Variants in TRRAP observed in about 807,000 individuals in gnomAD.
TRRAP encodes the protein transformation/transcription domain-associated protein.
TRRAP carries 41 observed loss-of-function variants against 438.8 expected under a neutral mutation model. The observed-to-expected ratio is 0.09, with a 90% CI of 0.07 to 0.12. The LOEUF is 0.12. Ranked by LOEUF, TRRAP falls within the 10% of genes least tolerant of loss-of-function variation. The pLI is 1.00. For synonymous variants in TRRAP, 1,994 were observed against 1,962.9 expected, an observed-to-expected ratio of 1.02 and a Z score of -0.42; for missense variants, 3,122 against 5,055.1, an observed-to-expected ratio of 0.62 and a Z score of 11.60.
chr7:98,881,850 T>G, intron 2 of TRRAP, 125 bp from the exon 3 acceptor site: 1 of 1,012,824 alleles, frequency 9.9e-7, no homozygotes, highest in East Asian at 2.6e-5. Context: ...TGCCTTCTAT[T>G]AGGCCATGAC....
intron 62 of TRRAP, among the ~76,000 whole-genome samples, chr7:98,988,029 T>C (rs539879270): frequency 5.9e-4 from 90 of 152,350 alleles, no homozygotes; most frequent in African/African-American, 2.1e-3. Context: ...ACCACCCTTA[T>C]TGCTGGGATA....
chr7:98,992,629 C>A (rs1354781941), intron 65 of TRRAP, among the ~76,000 whole-genome samples: 3 of 151,906 alleles, frequency 2.0e-5, no homozygotes, highest in Non-Finnish European at 4.4e-5. Flanking sequence ...GAAGAATCAG[C>A]ATTGAAGTCA....
chr7:98,990,402 C>A, intron 63 of TRRAP, 53 bp from the exon 64 acceptor site: 1 of 1,591,944 alleles, frequency 6.3e-7, no homozygotes, highest in East Asian at 2.3e-5. Flanking sequence ...AAGTCTCTTG[C>A]TTGAGGGCTT....
At chr7:98,959,520 A>G (rs945836100) in intron 45 of TRRAP, 30 bp downstream of exon 45, 1 of 1,601,810 alleles carries the variant, frequency 6.2e-7, no homozygotes, top group Non-Finnish European at 8.5e-7. Flanking sequence ...GGGCCAGGGC[A>G]GCGCCACCGA....
intron 27 of TRRAP, among the ~76,000 whole-genome samples, chr7:98,933,747 T>G (rs1158025107): frequency 3.3e-5 from 5 of 152,238 alleles, no homozygotes; most frequent in African/African-American, 1.2e-4. Flanking sequence ...CCGGCACAAG[T>G]GCCAATTTAT....
chr7:98,921,514 T>A (rs1554410514), intron 20 of TRRAP, among the ~76,000 whole-genome samples: 1 of 152,190 alleles, frequency 6.6e-6, no homozygotes, highest in African/African-American at 2.4e-5. Context: ...TAGCTGGGAT[T>A]ACAACAGCCT....
rs782532010 is a variant in TRRAP, at chr7:98,881,250, C to T, written c.100C>T (p.Pro34Ser). Residue 34 changes from proline (P) to serine (S), a missense_variant and splice_region_variant, in exon 2 of 73, where the codon CCT becomes TCT. Physicochemically the swap from Pro to Ser is moderately conservative, Grantham distance 74 (BLOSUM62 -1). Around this residue, in one of 24 missense-constraint regions of TRRAP, gnomAD observed 343 missense variants for 564.0 expected, o/e 0.61. Transcript: ENST00000456197. ...GGCAGCTCTCACAGATGTGAATACA[C>T]GTGAGTTGATCCTTTTTATCATTAA... is the stretch of plus-strand genomic sequence containing the variant. Reference protein sequence around the residue: ...FVAALTDVNTPDETKLKMMQE... With the variant: ...FVAALTDVNTSDETKLKMMQE... 5.0e-6 allele frequency: 8 copies of T among 1,596,326 alleles called. No individual in the cohort carries two copies. Among genetic ancestry groups the T allele is most frequent in the Non-Finnish European group, 6.8e-6 (8 of 1,170,504 alleles).
rs145230276 is a variant in TRRAP at position 98,945,819 on chromosome 7, C to T, written c.4527+19C>T. 2 of 1,596,932 alleles carry T rather than the reference C, an allele frequency of 1.3e-6. No individual in the cohort carries two copies. Among genetic ancestry groups the T allele is most frequent in the African/African-American group, 2.7e-5 (2 of 74,976 alleles). ...GTTTGAGGTGAGAACAACCTATTAACAGTCAGTTTCTGACTTGCAATGTGA... is the reference window on the plus strand; with the variant it reads ...GTTTGAGGTGAGAACAACCTATTAATAGTCAGTTTCTGACTTGCAATGTGA... On this transcript the variant is annotated intron_variant, in intron 32 of 72. Coordinates refer to ENST00000456197, the MANE Select transcript of TRRAP (RefSeq NM_001375524.1).
chr7:99,012,429 C>A lies in TRRAP; in HGVS notation c.*74C>A. ...AGCCCGCAGCTTTTACGACTTCTCC[C>A]TGCCTCGTTCCTTATATTCACAGAA... On this transcript the variant is annotated 3_prime_UTR_variant, in exon 73 of 73. Transcript: ENST00000456197. This position sits in a 1 kb window ranked among gnomAD's most constrained non-coding sequence, Gnocchi z 5.9. 6.9e-7 allele frequency: 1 copy of A among 1,459,198 alleles called. No homozygotes were observed. The highest frequency in any genetic ancestry group is 1.4e-5 in the South Asian group (1 of 72,020). The allele number at this position is 1,459,198 out of a possible 1,614,324, so 90.4% of individuals were successfully genotyped here. A position where few individuals can be genotyped will look rare whatever the true frequency, so the allele number is the denominator to read the frequency against.
chr7:98,961,242 C>G lies in TRRAP; in HGVS notation c.6490-19C>G. Reference sequence around the variant, plus strand: ...GAGTGTTTGTTTCCTCTGTGAGTGGCCTGTGTTGTCCATTGCAGGAGCAGC... The same window carrying G: ...GAGTGTTTGTTTCCTCTGTGAGTGGGCTGTGTTGTCCATTGCAGGAGCAGC... On this transcript the variant is annotated intron_variant, in intron 45 of 72. Transcript: ENST00000456197. 6.2e-7 allele frequency: 1 copy of G among 1,612,298 alleles called. No individual in the cohort carries two copies. The highest frequency in any genetic ancestry group is 8.5e-7 in the Non-Finnish European group (1 of 1,178,464).
intron 10 of TRRAP, 54 bp downstream of exon 10, chr7:98,899,821 C>G (rs561969933): frequency 6.4e-7 from 1 of 1,574,074 alleles, no homozygotes. Context: ...AGTAAAAATA[C>G]ACTTGCTGTT....
chr7:99,003,588 C>A (rs865950011), intron 67 of TRRAP, among the ~76,000 whole-genome samples: 1 of 152,198 alleles, frequency 6.6e-6, no homozygotes, highest in Non-Finnish European at 1.5e-5. Flanking sequence ...CTGAGGTAGA[C>A]GTTGCCTCAA....
chr7:98,916,736 C>T (rs755499263), intron 19 of TRRAP, among the ~76,000 whole-genome samples: 7 of 152,274 alleles, frequency 4.6e-5, no homozygotes, highest in East Asian at 1.9e-4. Context: ...TCCTCCCTCC[C>T]GGTCTCATTC....
intron 51 of TRRAP, among the ~76,000 whole-genome samples, chr7:98,969,708 A>G (rs1006341713): frequency 7.9e-6 from 1 of 125,810 alleles, no homozygotes; most frequent in Non-Finnish European, 1.6e-5. Context: ...CACACGGGGA[A>G]GCCTACACTG....
Position 98,984,142 on chromosome 7 carries a change from T to C in TRRAP, c.9072T>C (p.Asn3024=). 6.2e-7 allele frequency: 1 copy of C among 1,613,880 alleles called. No homozygotes were observed. Among genetic ancestry groups the C allele is most frequent in the Middle Eastern group, 1.7e-4 (1 of 6,060 alleles). ...GCTCTCAGCATGATCCCAGTTCAAA[T>C]AACGCTATGCTTGGGGTTCATGCAT... ...ENSSQHDPSS[N]NAMLGVHASA... is the part of the protein sequence containing the mutation. The change falls in exon 61 of 73, where the codon AAT becomes AAC. Residue 3024 remains asparagine (N), a synonymous_variant. Coordinates refer to ENST00000456197, the MANE Select transcript of TRRAP (RefSeq NM_001375524.1).
At chr7:98,884,968 C>G (rs782647567) in intron 3 of TRRAP, among the ~76,000 whole-genome samples, 91 of 152,060 alleles carry the variant, frequency 6.0e-4, no homozygotes, top group Non-Finnish European at 1.0e-3. Context: ...GAGAAAGTCA[C>G]ATTTGTTACT....
intron 67 of TRRAP, among the ~76,000 whole-genome samples, chr7:99,000,576 G>A (rs1372594614): frequency 6.6e-6 from 1 of 152,228 alleles, no homozygotes; most frequent in Non-Finnish European, 1.5e-5. Flanking sequence ...CCTGGTCTGG[G>A]TTCAGCATGC....
In TRRAP at chr7:98,978,205, T is replaced by C; in HGVS notation, c.8386-6T>C. On this transcript the variant is annotated splice_region_variant and splice_polypyrimidine_tract_variant and intron_variant, in intron 56 of 72. Transcript: ENST00000456197. ...ACAGTGATTTAAAAACATTAACTTTTTTTAGGCACAAGAATCCTATGAAAA... is the reference window on the plus strand; with the variant it reads ...ACAGTGATTTAAAAACATTAACTTTCTTTAGGCACAAGAATCCTATGAAAA... The C allele has an allele frequency of 1.2e-6, 2 of 1,608,934 alleles. No individual in the cohort carries two copies. The highest frequency in any genetic ancestry group is 1.7e-6 in the Non-Finnish European group (2 of 1,177,914).
At chr7:98,950,825 C>T (rs782227088) in intron 38 of TRRAP, 51 bp from the exon 39 acceptor site, 15 of 1,468,054 alleles carry the variant, frequency 1.0e-5, no homozygotes, top group Admixed American at 2.5e-5. Flanking sequence ...TCTTAAGAAA[C>T]AAACAGCATG....
Sources: gnomAD v4.1 joint callset for allele counts (sites outside exome capture counted in the v4.1 genomes callset) on GRCh38, gnomAD v4.1.1 for gene constraint, gnomAD v4.1.1 regional missense constraint, Gnocchi (gnomAD v3.1) non-coding constraint, MANE v1.5 for transcripts, NCBI Gene and HGNC (gene_info 2026-07-23, HGNC 2026-07-21) for gene names.